The following HPCAL1 variants were observed in gnomAD, a reference collection of about 807,000 sequenced individuals.
HPCAL1 encodes the protein hippocalcin like 1.
A neutral mutation model predicts 17.1 loss-of-function variants in HPCAL1; 8 were observed. That is an observed-to-expected ratio of 0.47 (90% CI 0.27 to 0.84). HPCAL1 has a LOEUF of 0.84. HPCAL1 is among the 40% of genes least tolerant of loss of function. The pLI is 0.13. For missense variants in HPCAL1, 165 were observed against 271.1 expected, an observed-to-expected ratio of 0.61 and a Z score of 2.75; for synonymous variants, 112 against 111.4, an observed-to-expected ratio of 1.01 and a Z score of -0.03.
chr2:10,326,824 C>A (rs935489453), intron 1 of HPCAL1, among the ~76,000 whole-genome samples: 1 of 152,132 alleles, frequency 6.6e-6, no homozygotes, highest in Non-Finnish European at 1.5e-5. Context: ...GGCTGGTGCT[C>A]GCTGACAGAT....
At chr2:10,401,176 A>C (rs972813100) in intron 2 of HPCAL1, among the ~76,000 whole-genome samples, 2 of 151,214 alleles carry the variant, frequency 1.3e-5, no homozygotes, top group African/African-American at 4.9e-5. Context: ...GCTCCTCCCC[A>C]CCCATGTCAC....
At chr2:10,393,283 T>G (rs1668819094) in intron 1 of HPCAL1, among the ~76,000 whole-genome samples, 1 of 152,192 alleles carries the variant, frequency 6.6e-6, no homozygotes, top group Non-Finnish European at 1.5e-5. Context: ...GGCTTAGAGA[T>G]AGAGCCAGGA....
Position 10,310,321 on chromosome 2 carries a change from A to C in HPCAL1, c.-111+7144A>C, listed in dbSNP as rs1185824266. 1.3e-5 allele frequency among the ~76,000 whole-genome samples: 2 copies of C among 151,982 alleles called. No homozygotes were observed. The highest frequency in any genetic ancestry group is 1.3e-4 in the Admixed American group (2 of 15,240). On this transcript the variant is annotated intron_variant, in intron 1 of 4. Transcript: ENST00000307845. This position sits in a 1 kb window ranked among gnomAD's most constrained non-coding sequence, Gnocchi z 4.5. ...AGTCTGGCTGGTCACGTGTGGAATA[A>C]GTGGTGGTGGCTGCCATTACTCTTT...
At chr2:10,426,305 A>T in intron 4 of HPCAL1, 1 of 190,330 alleles carries the variant, frequency 5.3e-6, no homozygotes. Context: ...CGCTGATGCC[A>T]GGGAGGATCC....
At chr2:10,339,486 G>A (rs1236617944) in intron 1 of HPCAL1, among the ~76,000 whole-genome samples, 1 of 152,120 alleles carries the variant, frequency 6.6e-6, no homozygotes, top group Non-Finnish European at 1.5e-5. Context: ...TGTATTTTTA[G>A]TAGAGACGGG....
intron 1 of HPCAL1, among the ~76,000 whole-genome samples, chr2:10,392,838 G>C (rs1668793005): frequency 6.6e-6 from 1 of 152,208 alleles, no homozygotes; most frequent in African/African-American, 2.4e-5. Context: ...GGCCTGACAT[G>C]AACGAAGGGC....
At chr2:10,378,223 G>GTTTT (rs58697364) in intron 1 of HPCAL1, among the ~76,000 whole-genome samples, 1 of 96,252 alleles carries the variant, frequency 1.0e-5, no homozygotes, top group Non-Finnish European at 2.0e-5. Flanking sequence ...GTGGTTTCAT[G>GTTTT]TTTTTTTTTT....
intron 1 of HPCAL1, among the ~76,000 whole-genome samples, chr2:10,341,994 T>A (rs1665118292): frequency 6.6e-6 from 1 of 151,210 alleles, no homozygotes; most frequent in Non-Finnish European, 1.5e-5. Flanking sequence ...TGTCTCTAGA[T>A]AAAGTTTTTT....
chr2:10,357,923 C>CT (rs548513372), intron 1 of HPCAL1, among the ~76,000 whole-genome samples: 1 of 152,214 alleles, frequency 6.6e-6, no homozygotes, highest in Admixed American at 6.5e-5. Context: ...CCCCAGTCAC[C>CT]TTTTACCCAG....
chr2:10,397,638 G>A (rs1000323086), intron 2 of HPCAL1, among the ~76,000 whole-genome samples: 5 of 152,176 alleles, frequency 3.3e-5, no homozygotes, highest in African/African-American at 9.7e-5. Flanking sequence ...CTGGCTTAGG[G>A]GCTTTTTCCA....
chr2:10,352,977 C>G (rs1257998160), intron 1 of HPCAL1, among the ~76,000 whole-genome samples: 1 of 152,220 alleles, frequency 6.6e-6, no homozygotes, highest in East Asian at 1.9e-4. Context: ...AACGAGAAGA[C>G]TCTTCATGAA....
At chr2:10,351,971 C>G (rs1033028342) in intron 1 of HPCAL1, among the ~76,000 whole-genome samples, 3 of 149,592 alleles carry the variant, frequency 2.0e-5, no homozygotes, top group Non-Finnish European at 3.0e-5. Flanking sequence ...GGCGCGATCT[C>G]AGCTCACTGC....
chr2:10,343,589 G>A lies in HPCAL1; in HGVS notation c.-111+40412G>A, dbSNP rs1665227896. ...TTTAGGGTGGGCATGGCTTTAGGTG[G>A]GACCTCCACTATATGGGTTTGCAAG... On this transcript the variant is annotated intron_variant, in intron 1 of 4. Transcript: ENST00000307845. The surrounding 1 kb of genome is among the most constrained non-coding windows in gnomAD (Gnocchi z 4.8). Among the ~76,000 whole-genome samples the A allele has an allele frequency of 6.6e-6, 1 of 152,206 alleles. No homozygotes were observed. The highest frequency in any genetic ancestry group is 1.5e-5 in the Non-Finnish European group (1 of 68,044).
chr2:10,305,555 G>T (rs6432091), intron 1 of HPCAL1, among the ~76,000 whole-genome samples: 106,662 of 152,120 alleles, frequency 0.7, 37,809 homozygotes, highest in African/African-American at 0.79. Context: ...AGGTGGAACA[G>T]AAATGTCAAT....
intron 2 of HPCAL1, among the ~76,000 whole-genome samples, chr2:10,414,163 T>G: frequency 6.6e-6 from 1 of 152,278 alleles, no homozygotes; most frequent in East Asian, 1.9e-4. Context: ...CAGGCCATGG[T>G]TGCTGCTTCT....
intron 1 of HPCAL1, among the ~76,000 whole-genome samples, chr2:10,339,845 G>T (rs1664960977): frequency 6.6e-6 from 1 of 152,214 alleles, no homozygotes; most frequent in South Asian, 2.1e-4. Flanking sequence ...CCCCAGGCTT[G>T]TGGGCCTCCT....
intron 1 of HPCAL1, among the ~76,000 whole-genome samples, chr2:10,305,491 G>A (rs1351057391): frequency 2.0e-5 from 3 of 152,176 alleles, no homozygotes; most frequent in Non-Finnish European, 2.9e-5. Flanking sequence ...GTGCCACGGT[G>A]GCACATTCTA....
intron 1 of HPCAL1, among the ~76,000 whole-genome samples, chr2:10,316,893 G>T (rs1453465006): frequency 6.6e-6 from 1 of 152,082 alleles, no homozygotes; most frequent in Non-Finnish European, 1.5e-5. Flanking sequence ...ATTCTATCAC[G>T]TCTGGTAAAT....
Position 10,388,437 on chromosome 2 carries a change from C to T in HPCAL1, c.-110-8398C>T, listed in dbSNP as rs1294406837. Among the ~76,000 whole-genome samples, 3 of 152,152 alleles carry T rather than the reference C, an allele frequency of 2.0e-5. No individual in the cohort carries two copies. The East Asian group carries it at 5.8e-4, about 29-fold the overall frequency. ...GTGAGCTGTTTTATTTTCCTTCCTG[C>T]CTATGGAAGGTCCTGAGTGAACAAA... On this transcript the variant is annotated intron_variant, in intron 1 of 4. Transcript: ENST00000307845.
Sources: allele counts gnomAD v4.1 joint callset (sites outside exome capture counted in the v4.1 genomes callset), GRCh38; gene constraint gnomAD v4.1.1; non-coding constraint Gnocchi (gnomAD v3.1); transcripts MANE v1.5; gene names NCBI Gene and HGNC (gene_info 2026-07-23, HGNC 2026-07-21).